Variants in GRM3 observed in about 807,000 individuals in gnomAD.
GRM3 encodes the protein metabotropic glutamate receptor 3.
In GRM3, 26 loss-of-function variants were observed where a neutral mutation model predicts 70.5. The ratio of observed to expected loss-of-function variants is 0.37; its 90% CI spans 0.27 to 0.51. The LOEUF (loss-of-function observed/expected upper bound fraction) is 0.51, where lower values mean the gene tolerates loss of function less well. Ranked by LOEUF, GRM3 falls within the 20% of genes least tolerant of loss-of-function variation. The pLI, the probability that GRM3 is intolerant of heterozygous loss-of-function variation, is 0.93. For missense variants in GRM3, 859 were observed against 1,123.8 expected (o/e 0.76, Z 3.37); for synonymous variants, 443 against 434.9 (o/e 1.02, Z -0.23).
intron 3 of GRM3, among the ~76,000 whole-genome samples, chr7:86,821,624 C>A (rs1019900761): frequency 3.3e-5 from 5 of 152,114 alleles, no homozygotes; most frequent in African/African-American, 4.8e-5. Context: ...GAAAATGATG[C>A]GTGACAGCCC....
At chr7:86,851,037 A>C (rs1367158249) in intron 5 of GRM3, among the ~76,000 whole-genome samples, 1 of 152,192 alleles carries the variant, frequency 6.6e-6, no homozygotes, top group Non-Finnish European at 1.5e-5. Context: ...AAAGTGCTAC[A>C]TTCCTAATTC....
At chr7:86,688,819 T>TA (rs1794628958) in intron 1 of GRM3, among the ~76,000 whole-genome samples, 1 of 147,236 alleles carries the variant, frequency 6.8e-6, no homozygotes, top group African/African-American at 2.5e-5. Context: ...ACATATGATA[T>TA]ATATATATAT....
At chr7:86,651,961 T>A (rs1793616950) in intron 1 of GRM3, among the ~76,000 whole-genome samples, 1 of 152,192 alleles carries the variant, frequency 6.6e-6, no homozygotes, top group Non-Finnish European at 1.5e-5. Flanking sequence ...CATAACGTAC[T>A]AACCCTCCAA....
chr7:86,823,033 G>A (rs1798154119), intron 3 of GRM3, among the ~76,000 whole-genome samples: 1 of 152,092 alleles, frequency 6.6e-6, no homozygotes, highest in Admixed American at 6.6e-5. Flanking sequence ...ATGAAGTGAT[G>A]GGATGCTGGT....
chr7:86,788,454 TC>T (rs1394934903), intron 3 of GRM3, among the ~76,000 whole-genome samples: 1 of 152,204 alleles, frequency 6.6e-6, no homozygotes, highest in Non-Finnish European at 1.5e-5. Flanking sequence ...CAGTAATTCC[TC>T]CAATTAATCT....
intron 3 of GRM3, among the ~76,000 whole-genome samples, chr7:86,802,512 T>A (rs1367695434): frequency 2.0e-5 from 3 of 152,070 alleles, no homozygotes; most frequent in Non-Finnish European, 4.4e-5. Context: ...AACTACATAC[T>A]TCACTCCTTC....
At chr7:86,803,676 G>A (rs1012966175) in intron 3 of GRM3, among the ~76,000 whole-genome samples, 24 of 152,146 alleles carry the variant, frequency 1.6e-4, no homozygotes, top group Admixed American at 1.6e-3. Context: ...ACTTGGCTAA[G>A]GATTGAATTA....
chr7:86,698,921 A>G (rs1288176827), intron 1 of GRM3, among the ~76,000 whole-genome samples: 1 of 151,990 alleles, frequency 6.6e-6, no homozygotes, highest in Admixed American at 6.6e-5. Context: ...AGCAGTATGT[A>G]TTGTTACTAG....
At chr7:86,864,201 A>G (rs749763545) in intron 5 of GRM3, 81 bp from the exon 6 acceptor site, 5 of 773,628 alleles carry the variant, frequency 6.5e-6, no homozygotes, top group Non-Finnish European at 1.2e-5. Context: ...CGAGTCCCCA[A>G]AGTCCATTGT....
At chr7:86,648,311 C>T (rs988323564) in intron 1 of GRM3, among the ~76,000 whole-genome samples, 1 of 152,132 alleles carries the variant, frequency 6.6e-6, no homozygotes, top group African/African-American at 2.4e-5. Context: ...TATGTGGATG[C>T]ACATTATGAG....
Position 86,644,863 on chromosome 7 carries a change from T to TC in GRM3, c.-149dup. 7.8e-7 allele frequency: 1 copy of TC among 1,288,720 alleles called. No individual in the cohort carries two copies. The allele number at this position is 1,288,720 out of a possible 1,614,324, so 79.8% of individuals were successfully genotyped here. Reference sequence around the variant, plus strand: ...CAGCTCCAGTTCCTGCCAGGAGTTGTCGGTGCGAGGTAAGGGTCCCAGAGG... The same window carrying TC: ...CAGCTCCAGTTCCTGCCAGGAGTTGTCCGGTGCGAGGTAAGGGTCCCAGAGG... On this transcript the variant is annotated 5_prime_UTR_variant, in exon 1 of 6. It removes the in-frame stop codon of an upstream open reading frame in the 5' UTR. Coordinates refer to ENST00000361669, the MANE Select transcript of GRM3 (RefSeq NM_000840.3).
intron 1 of GRM3, among the ~76,000 whole-genome samples, chr7:86,737,277 C>T (rs1313420016): frequency 6.6e-6 from 1 of 152,202 alleles, no homozygotes; most frequent in Non-Finnish European, 1.5e-5. Flanking sequence ...TTCACATGCA[C>T]TATCACAGTT....
chr7:86,835,090 C>T (rs1798429518), intron 3 of GRM3, among the ~76,000 whole-genome samples: 1 of 151,818 alleles, frequency 6.6e-6, no homozygotes, highest in South Asian at 2.1e-4. Flanking sequence ...ATAAAATGAC[C>T]ATACAACTGT....
intron 1 of GRM3, among the ~76,000 whole-genome samples, chr7:86,752,139 C>A (rs999182795): frequency 6.6e-6 from 1 of 152,102 alleles, no homozygotes; most frequent in East Asian, 1.9e-4. Flanking sequence ...TGCCAGCACT[C>A]GAGAAACCCT....
At chr7:86,861,227 T>C (rs938626875) in intron 5 of GRM3, among the ~76,000 whole-genome samples, 1 of 152,192 alleles carries the variant, frequency 6.6e-6, no homozygotes, top group African/African-American at 2.4e-5. Flanking sequence ...TTGCTGGTCA[T>C]TTCTTTAGTT....
chr7:86,693,687 G>C lies in GRM3; in HGVS notation c.-141+48815G>C, dbSNP rs144270906. Among the ~76,000 whole-genome samples the C allele has an allele frequency of 5.7e-3, 869 of 152,210 alleles. 7 individuals carry two copies. Among genetic ancestry groups the C allele is most frequent in the African/African-American group, 0.02 (841 of 41,518 alleles). ...TCATGGTGTGAGAGAGATTATCTCAGGTAGCAGGTTATCTCGAAAAGAAAG... is the reference window on the plus strand; with the variant it reads ...TCATGGTGTGAGAGAGATTATCTCACGTAGCAGGTTATCTCGAAAAGAAAG... On this transcript the variant is annotated intron_variant, in intron 1 of 5. Coordinates refer to ENST00000361669, the MANE Select transcript of GRM3 (RefSeq NM_000840.3).
rs1258418008 is a variant in GRM3, at chr7:86,850,560, A to T, written c.2566+16A>T. 1.9e-6 allele frequency: 3 copies of T among 1,547,182 alleles called. No individual in the cohort carries two copies. Among genetic ancestry groups the T allele is most frequent in the East Asian group, 2.2e-5 (1 of 44,560 alleles). On this transcript the variant is annotated intron_variant, in intron 5 of 5. Transcript: ENST00000361669. ...TACTCTCAGTGTAAGTATGGAACTC[A>T]GCACTAACTCCTTCATACATAGCAT...
At chr7:86,744,577 G>A (rs570649756) in intron 1 of GRM3, among the ~76,000 whole-genome samples, 18 of 151,902 alleles carry the variant, frequency 1.2e-4, no homozygotes, top group African/African-American at 4.1e-4. Context: ...TAGGGTGTCA[G>A]GGACGCTTAA....
At chr7:86,682,165 T>C (rs1215531587) in intron 1 of GRM3, among the ~76,000 whole-genome samples, 2 of 152,196 alleles carry the variant, frequency 1.3e-5, no homozygotes, top group Admixed American at 1.3e-4. Flanking sequence ...CCGACAGACA[T>C]ATTTTTACAA....
Sources: allele counts gnomAD v4.1 joint callset (sites outside exome capture counted in the v4.1 genomes callset), GRCh38; gene constraint gnomAD v4.1.1; transcripts MANE v1.5; gene names NCBI Gene and HGNC (gene_info 2026-07-23, HGNC 2026-07-21).